The following PTPRD variants were observed in gnomAD, a reference collection of about 807,000 sequenced individuals.
PTPRD encodes receptor-type tyrosine-protein phosphatase delta.
In PTPRD, 34 loss-of-function variants were observed where a neutral mutation model predicts 214.5. The ratio of observed to expected loss-of-function variants is 0.16; its 90% CI spans 0.12 to 0.21. PTPRD has a LOEUF of 0.21. Ranked by LOEUF, PTPRD falls within the 10% of genes least tolerant of loss-of-function variation. The pLI is 1.00. For missense variants in PTPRD, 2,545 were observed against 2,398.7 expected (o/e 1.06, Z -1.27); for synonymous variants, 1,128 against 845.7 (o/e 1.33, Z -5.79).
chr9:8,827,082 C>G (rs2097191233), intron 11 of PTPRD, among the ~76,000 whole-genome samples: 1 of 151,990 alleles, frequency 6.6e-6, no homozygotes, highest in African/African-American at 2.4e-5. Flanking sequence ...CCTCATGGTT[C>G]AGAGTAGACT....
intron 7 of PTPRD, among the ~76,000 whole-genome samples, chr9:9,702,530 T>C (rs571815312): frequency 5.9e-4 from 90 of 152,288 alleles, no homozygotes; most frequent in African/African-American, 1.7e-3. Flanking sequence ...GAAGTGGTTA[T>C]TGGGAAATAG....
chr9:8,640,371 A>G (rs2096547355), intron 12 of PTPRD, among the ~76,000 whole-genome samples: 1 of 152,120 alleles, frequency 6.6e-6, no homozygotes, highest in Non-Finnish European at 1.5e-5. Context: ...ATTTAAAGAA[A>G]AGAAAAAGAA....
chr9:9,848,136 C>T (rs2059893376), intron 5 of PTPRD, among the ~76,000 whole-genome samples: 2 of 152,124 alleles, frequency 1.3e-5, no homozygotes, highest in South Asian at 2.1e-4. Flanking sequence ...TAACACGCTT[C>T]AGAGTTTTCT....
At chr9:8,740,452 G>A (rs1015317082) in intron 11 of PTPRD, among the ~76,000 whole-genome samples, 5 of 152,032 alleles carry the variant, frequency 3.3e-5, no homozygotes, top group Non-Finnish European at 7.4e-5. Context: ...TATTAGCGAG[G>A]GATACGGGAA....
rs771483697 is a variant in PTPRD, at chr9:8,499,776, T to A, written c.2193A>T (p.Ser731=). The change falls in exon 25 of 46, where the codon TCA becomes TCT. Residue 731 remains serine, a synonymous_variant. Coordinates refer to ENST00000381196, the MANE Select transcript of PTPRD (RefSeq NM_002839.4). ...GTTTATTGGGCACGGGTGAGCGCCA[T>A]GAGACTTTAACAGATGTTGAGTTGA... The part of the protein sequence containing the change: ...EAVNSTSVKV[S]WRSPVPNKQH... 4 of 1,614,062 alleles carry A rather than the reference T, an allele frequency of 2.5e-6. No homozygotes were observed. The South Asian group carries it at 3.3e-5, about 13-fold the overall frequency.
intron 7 of PTPRD, among the ~76,000 whole-genome samples, chr9:9,694,987 C>A (rs369133095): frequency 1.3e-5 from 2 of 152,128 alleles, no homozygotes; most frequent in Non-Finnish European, 2.9e-5. Flanking sequence ...GTGTGCAAGA[C>A]AAAGTCTCCT....
At chr9:8,549,079 G>A (rs930353728) in intron 14 of PTPRD, among the ~76,000 whole-genome samples, 1 of 152,100 alleles carries the variant, frequency 6.6e-6, no homozygotes, top group African/African-American at 2.4e-5. Flanking sequence ...AGTGAAGGGG[G>A]ACAAAGAGAA....
intron 8 of PTPRD, among the ~76,000 whole-genome samples, chr9:9,463,678 G>GT (rs1247718470): frequency 6.6e-6 from 1 of 151,802 alleles, no homozygotes; most frequent in African/African-American, 2.4e-5. Flanking sequence ...ACATATGCAT[G>GT]TTTTTTTACA....
chr9:10,144,646 G>C (rs899438894), intron 3 of PTPRD, among the ~76,000 whole-genome samples: 2 of 152,030 alleles, frequency 1.3e-5, no homozygotes, highest in African/African-American at 2.4e-5. Flanking sequence ...TCAATATTTT[G>C]ACCTATCTCC....
At chr9:10,437,778 T>C (rs1239219778) in intron 2 of PTPRD, among the ~76,000 whole-genome samples, 1 of 151,340 alleles carries the variant, frequency 6.6e-6, no homozygotes, top group African/African-American at 2.4e-5. Flanking sequence ...TTATCAGATA[T>C]ATATATATCT....
chr9:10,515,115 T>G (rs907617232), intron 2 of PTPRD, among the ~76,000 whole-genome samples: 1 of 152,000 alleles, frequency 6.6e-6, no homozygotes, highest in Non-Finnish European at 1.5e-5. Flanking sequence ...TCTCAATCTG[T>G]ATCTAATTTA....
chr9:9,960,042 G>C (rs1293553694), intron 4 of PTPRD, among the ~76,000 whole-genome samples: 1 of 152,018 alleles, frequency 6.6e-6, no homozygotes, highest in Non-Finnish European at 1.5e-5. Context: ...CCTGATACTG[G>C]TTTCTAATAA....
At chr9:9,324,588 T>C (rs1310175172) in intron 9 of PTPRD, among the ~76,000 whole-genome samples, 1 of 152,234 alleles carries the variant, frequency 6.6e-6, no homozygotes, top group African/African-American at 2.4e-5. Flanking sequence ...ATTCTGGATA[T>C]TAGCCCTTTG....
intron 3 of PTPRD, among the ~76,000 whole-genome samples, chr9:10,338,942 A>G (rs1223529197): frequency 9.4e-6 from 1 of 106,450 alleles, no homozygotes; most frequent in African/African-American, 3.1e-5. Flanking sequence ...AATGTAGACA[A>G]AAAAAAAAAT....
At chr9:10,225,795 T>C (rs2099586983) in intron 3 of PTPRD, among the ~76,000 whole-genome samples, 2 of 152,198 alleles carry the variant, frequency 1.3e-5, no homozygotes, top group East Asian at 3.9e-4. Flanking sequence ...GAAGAACTAA[T>C]GTTCATGGTT....
chr9:10,260,221 G>A (rs2093603995), intron 3 of PTPRD, among the ~76,000 whole-genome samples: 1 of 152,144 alleles, frequency 6.6e-6, no homozygotes, highest in Non-Finnish European at 1.5e-5. Flanking sequence ...CATCCCCAGG[G>A]AAGTCATGTC....
intron 10 of PTPRD, among the ~76,000 whole-genome samples, chr9:9,077,160 T>A (rs1466904189): frequency 1.3e-5 from 2 of 151,940 alleles, no homozygotes; most frequent in Non-Finnish European, 2.9e-5. Context: ...ATTAGTTTTT[T>A]TTTTTTTTCT....
At chr9:9,290,716 C>T (rs1475349633) in intron 9 of PTPRD, among the ~76,000 whole-genome samples, 4 of 151,270 alleles carry the variant, frequency 2.6e-5, no homozygotes, top group East Asian at 3.9e-4. Context: ...ATATTTTGAA[C>T]GATTAGCATG....
At chr9:10,463,234 T>A (rs1487865776) in intron 2 of PTPRD, among the ~76,000 whole-genome samples, 2 of 152,110 alleles carry the variant, frequency 1.3e-5, no homozygotes, top group African/African-American at 4.8e-5. Context: ...GATTACAAGC[T>A]TTTTGTTGTT....
Sources: allele counts gnomAD v4.1 joint callset (sites outside exome capture counted in the v4.1 genomes callset), GRCh38; gene constraint gnomAD v4.1.1; transcripts MANE v1.5; gene names NCBI Gene and HGNC (gene_info 2026-07-23, HGNC 2026-07-21).